LRRC2: variants seen among roughly 807,000 people sequenced by gnomAD.
LRRC2 encodes the protein leucine-rich repeat-containing protein 2.
In LRRC2, 27 loss-of-function variants were observed where a neutral mutation model predicts 40.2. That is an observed-to-expected ratio of 0.67 (90% confidence interval 0.49 to 0.93). The LOEUF (loss-of-function observed/expected upper bound fraction) is 0.93. Ranked by LOEUF, LRRC2 falls within the 40% of genes least tolerant of loss-of-function variation. LRRC2 has a pLI of 0.00. For missense variants in LRRC2, 402 were observed against 439.6 expected (o/e 0.91, Z 0.76); for synonymous variants, 147 against 158.9 (o/e 0.92, Z 0.56).
In LRRC2 at chr3:46,518,334, C is replaced by G; in HGVS notation, c.*680G>C. On this transcript the variant is annotated 3_prime_UTR_variant, in exon 9 of 9. Transcript: ENST00000395905. ...ATCTGATTAGTCCAATATAAATGCTCTTTTCACAATCCCTTTATCTTTTTC... is the reference window on the plus strand; with the variant it reads ...ATCTGATTAGTCCAATATAAATGCTGTTTTCACAATCCCTTTATCTTTTTC... 6.6e-6 allele frequency: 1 copy of G among 151,778 alleles called. No homozygotes were observed. Among genetic ancestry groups the G allele is most frequent in the East Asian group, 1.9e-4 (1 of 5,192 alleles). 9.4% of individuals were successfully genotyped at this position (151,778 alleles called of 1,614,324 possible).
At chr3:46,565,060 C>T (rs1705028992) in intron 1 of LRRC2, among the ~76,000 whole-genome samples, 1 of 152,202 alleles carries the variant, frequency 6.6e-6, no homozygotes, top group South Asian at 2.1e-4. Context: ...CAAGTAAGGT[C>T]AGTATAGTCA....
At chr3:46,544,681 C>A (rs979386394) in intron 3 of LRRC2, among the ~76,000 whole-genome samples, 28 of 152,208 alleles carry the variant, frequency 1.8e-4, no homozygotes, top group African/African-American at 6.5e-4. Context: ...TGCTGCCCTT[C>A]GGCACTTCGG....
At chr3:46,541,807 G>A (rs1704398514) in intron 3 of LRRC2, among the ~76,000 whole-genome samples, 1 of 152,132 alleles carries the variant, frequency 6.6e-6, no homozygotes, top group South Asian at 2.1e-4. Context: ...CCACCAGTAG[G>A]AAGCTGAGGC....
rs1194533255 is a variant in LRRC2, at chr3:46,517,531, T to A, written c.*1483A>T. 4 of 152,086 alleles carry A rather than the reference T, an allele frequency of 2.6e-5. No individual in the cohort carries two copies. The highest frequency in any genetic ancestry group is 2.0e-4 in the Admixed American group (3 of 15,264). The allele number at this position is 152,086 out of a possible 1,614,324, so 9.4% of individuals were successfully genotyped here. ...TTGTGGAGATGGGGTTTCGTCATGA[T>A]GTCCAAGCTGTTCTCAAAATCCTGT... On this transcript the variant is annotated 3_prime_UTR_variant, in exon 9 of 9. Coordinates refer to ENST00000395905, the MANE Select transcript of LRRC2 (RefSeq NM_024512.5).
At chr3:46,564,397 A>G (rs1181652627) in intron 1 of LRRC2, among the ~76,000 whole-genome samples, 1 of 152,022 alleles carries the variant, frequency 6.6e-6, no homozygotes, top group Non-Finnish European at 1.5e-5. Flanking sequence ...ACTAGTCTCC[A>G]CTCAGAAGTC....
chr3:46,551,750 GCT>G, intron 1 of LRRC2, 140 bp from the exon 2 acceptor site: 64 of 152,996 alleles, frequency 4.2e-4, no homozygotes, highest in South Asian at 3.2e-3. Flanking sequence ...ATGACAGTTT[GCT>G]TTTTTTTTTT....
intron 1 of LRRC2, among the ~76,000 whole-genome samples, chr3:46,552,672 A>G (rs773909389): frequency 9.2e-5 from 14 of 151,844 alleles, no homozygotes; most frequent in Non-Finnish European, 1.6e-4. Flanking sequence ...CTCCTCCCCA[A>G]TATCCCCAGC....
intron 2 of LRRC2, among the ~76,000 whole-genome samples, chr3:46,549,031 A>G (rs1340063283): frequency 6.6e-6 from 1 of 152,160 alleles, no homozygotes; most frequent in East Asian, 1.9e-4. Context: ...AGGGCTTGGG[A>G]ACCTCCGCTC....
At chr3:46,554,336 C>T (rs192492720) in intron 1 of LRRC2, among the ~76,000 whole-genome samples, 37 of 142,968 alleles carry the variant, frequency 2.6e-4, no homozygotes, top group Admixed American at 4.3e-4. Flanking sequence ...CTGCCTTTGC[C>T]TCCTTTAGAA....
At chr3:46,521,996 C>T (rs925952329) in intron 7 of LRRC2, among the ~76,000 whole-genome samples, 1 of 152,204 alleles carries the variant, frequency 6.6e-6, no homozygotes, top group Non-Finnish European at 1.5e-5. Flanking sequence ...TTTGATGTTA[C>T]TCCCAGTAAG....
chr3:46,552,057 C>A (rs1474825909), intron 1 of LRRC2, among the ~76,000 whole-genome samples: 2 of 152,020 alleles, frequency 1.3e-5, no homozygotes, highest in African/African-American at 4.8e-5. Flanking sequence ...TTTGGTAGTA[C>A]TTTGTGTAAG....
At chr3:46,556,576 C>CTTTT (rs143635012) in intron 1 of LRRC2, among the ~76,000 whole-genome samples, 31 of 104,750 alleles carry the variant, frequency 3.0e-4, no homozygotes, top group Admixed American at 3.4e-4. Context: ...GTCATTATTT[C>CTTTT]TTTTTTTTTT....
chr3:46,522,861 T>C (rs1368756018), intron 7 of LRRC2, among the ~76,000 whole-genome samples: 1 of 151,840 alleles, frequency 6.6e-6, no homozygotes, highest in Non-Finnish European at 1.5e-5. Flanking sequence ...TTCACAATTT[T>C]CAAAGATGTA....
At chr3:46,554,362 G>A (rs1432637622) in intron 1 of LRRC2, among the ~76,000 whole-genome samples, 2 of 152,110 alleles carry the variant, frequency 1.3e-5, no homozygotes, top group Non-Finnish European at 2.9e-5. Context: ...TTACCTAAAG[G>A]AGGCCAGGTG....
intron 1 of LRRC2, among the ~76,000 whole-genome samples, chr3:46,554,184 T>C (rs1704734528): frequency 6.6e-6 from 1 of 152,080 alleles, no homozygotes; most frequent in African/African-American, 2.4e-5. Flanking sequence ...TATGCCCAGA[T>C]AATTTTTGTA....
intron 1 of LRRC2, among the ~76,000 whole-genome samples, chr3:46,561,589 C>T (rs1196991763): frequency 6.6e-6 from 1 of 151,992 alleles, no homozygotes; most frequent in Non-Finnish European, 1.5e-5. Context: ...GGGGAGTGAG[C>T]CTGCTGCAGT....
intron 6 of LRRC2, among the ~76,000 whole-genome samples, chr3:46,528,373 C>T (rs889342039): frequency 1.3e-5 from 2 of 151,460 alleles, no homozygotes; most frequent in African/African-American, 4.9e-5. Context: ...TTAAGCAATC[C>T]TCCTTCCTTG....
intron 3 of LRRC2, 105 bp downstream of exon 3, chr3:46,544,941 G>T: frequency 9.1e-7 from 1 of 1,098,798 alleles, no homozygotes; most frequent in Non-Finnish European, 1.4e-6. Flanking sequence ...AGGGACAGAA[G>T]AACCTCCTCT....
chr3:46,537,581 G>C (rs978641700), intron 4 of LRRC2, among the ~76,000 whole-genome samples: 2 of 152,206 alleles, frequency 1.3e-5, no homozygotes, highest in African/African-American at 4.8e-5. Context: ...GATTCAGTCA[G>C]TGGGTCTCTC....
Sources: gnomAD v4.1 joint callset for allele counts (sites outside exome capture counted in the v4.1 genomes callset) on GRCh38, gnomAD v4.1.1 for gene constraint, MANE v1.5 for transcripts, NCBI Gene and HGNC (gene_info 2026-07-23, HGNC 2026-07-21) for gene names.